Variants in GRM5 observed in about 807,000 individuals in gnomAD.
The protein encoded by GRM5 is metabotropic glutamate receptor 5.
A neutral mutation model predicts 83.1 loss-of-function variants in GRM5; 19 were observed. The ratio of observed to expected loss-of-function variants is 0.23; its 90% CI spans 0.16 to 0.34. GRM5 has a LOEUF of 0.34. Among genes scored for constraint, GRM5 ranks in the 10% least tolerant of loss-of-function variants. The pLI, the probability that GRM5 is intolerant of heterozygous loss-of-function variation, is 1.00. For synonymous variants in GRM5, 675 were observed against 633.6 expected (o/e 1.07, Z -0.98); for missense variants, 1,160 against 1,588.3 (o/e 0.73, Z 4.58).
At chr11:88,583,929 T>C (rs1943261709) in intron 7 of GRM5, among the ~76,000 whole-genome samples, 1 of 152,222 alleles carries the variant, frequency 6.6e-6, no homozygotes, top group African/African-American at 2.4e-5. Flanking sequence ...ATCAAATCTT[T>C]GTTGCTTTTG....
chr11:88,793,212 C>T (rs1943210664), intron 3 of GRM5, among the ~76,000 whole-genome samples: 1 of 152,060 alleles, frequency 6.6e-6, no homozygotes, highest in African/African-American at 2.4e-5. Flanking sequence ...TAATCTAGCC[C>T]AAACTTAAAC....
In GRM5 at chr11:88,960,640, A is replaced by G. The variant is rs1938754069; in HGVS notation, c.661+86572T>C. Among the ~76,000 whole-genome samples the G allele has an allele frequency of 1.3e-5, 2 of 152,180 alleles. 1 individual carries two copies. Among genetic ancestry groups the G allele is most frequent in the South Asian group, 4.1e-4 (2 of 4,824 alleles). On this transcript the variant is annotated intron_variant, in intron 2 of 9. Transcript: ENST00000305447. ...GAAGATGAGTTGGGAAGCTTACAAT[A>G]CCCAGAAATTTTAGGAAACTTGGAA...
chr11:88,707,122 G>A (rs1358541905), intron 3 of GRM5, among the ~76,000 whole-genome samples: 1 of 152,078 alleles, frequency 6.6e-6, no homozygotes, highest in Non-Finnish European at 1.5e-5. Context: ...GTGATTAAGA[G>A]TGTGGTATTG....
At chr11:88,579,301 G>T (rs887595642) in intron 7 of GRM5, among the ~76,000 whole-genome samples, 1 of 152,026 alleles carries the variant, frequency 6.6e-6, no homozygotes, top group African/African-American at 2.4e-5. Context: ...TATCTACTGT[G>T]TTCTAGCAGC....
intron 4 of GRM5, among the ~76,000 whole-genome samples, chr11:88,615,649 T>TAAAAAAAAAAA (rs58256186): frequency 8.4e-6 from 1 of 119,746 alleles, no homozygotes; most frequent in African/African-American, 3.0e-5. Flanking sequence ...ATTAAGAAAC[T>TAAAAAAAAAAA]AAAAAAAAAA....
At chr11:88,865,456 T>C (rs572394604) in intron 2 of GRM5, among the ~76,000 whole-genome samples, 138 of 151,988 alleles carry the variant, frequency 9.1e-4, no homozygotes, top group African/African-American at 2.6e-3. Flanking sequence ...CCATAAAAAC[T>C]CTAGAAGAAA....
At chr11:88,653,130 G>T in intron 4 of GRM5, 38 bp downstream of exon 4, 1 of 1,253,564 alleles carries the variant, frequency 8.0e-7, no homozygotes, top group Non-Finnish European at 1.2e-6. Flanking sequence ...TGGAACCTTA[G>T]CCTTATGCAT....
At chr11:88,592,692 T>G (rs1426505466) in intron 6 of GRM5, among the ~76,000 whole-genome samples, 2 of 152,266 alleles carry the variant, frequency 1.3e-5, no homozygotes, top group Non-Finnish European at 2.9e-5. Flanking sequence ...CCTCTGATAA[T>G]TTAGAAATTG....
In GRM5 at chr11:88,763,718, T is replaced by C. The variant is rs1253620352; in HGVS notation, c.911+86188A>G. Among the ~76,000 whole-genome samples the C allele has an allele frequency of 4.0e-5, 6 of 151,742 alleles. No homozygotes were observed. In the Admixed American group the frequency reaches 4.0e-4, roughly 10 times the overall value. On this transcript the variant is annotated intron_variant, in intron 3 of 9. Coordinates refer to ENST00000305447, the MANE Select transcript of GRM5 (RefSeq NM_001143831.3). The stretch of plus-strand genomic sequence containing the variant: ...TGTTAAAAGTATAAGGTGTTAGATG[T>C]AATCCCCATGGTAACCACAAATAAG...
intron 2 of GRM5, among the ~76,000 whole-genome samples, chr11:88,958,763 A>C (rs1300764006): frequency 2.6e-5 from 4 of 152,210 alleles, no homozygotes; most frequent in Admixed American, 2.6e-4. Context: ...TATTTACTAT[A>C]TTAAAAACTA....
intron 2 of GRM5, among the ~76,000 whole-genome samples, chr11:88,955,299 A>G (rs779239401): frequency 2.0e-5 from 3 of 152,234 alleles, no homozygotes; most frequent in Non-Finnish European, 2.9e-5. Flanking sequence ...TTAGAGTCAT[A>G]CATTAATCAC....
chr11:88,950,298 A>C (rs1467413417), intron 2 of GRM5, among the ~76,000 whole-genome samples: 1 of 152,116 alleles, frequency 6.6e-6, no homozygotes, highest in Non-Finnish European at 1.5e-5. Context: ...GAAAAAAAAT[A>C]GGTAAATGAA....
intron 2 of GRM5, among the ~76,000 whole-genome samples, chr11:88,852,756 G>T (rs1471543559): frequency 6.6e-6 from 1 of 152,102 alleles, no homozygotes; most frequent in East Asian, 1.9e-4. Context: ...ATATAATTTT[G>T]ATTTAACAAA....
chr11:88,828,881 T>A (rs1236155271), intron 3 of GRM5, among the ~76,000 whole-genome samples: 1 of 152,052 alleles, frequency 6.6e-6, no homozygotes, highest in Non-Finnish European at 1.5e-5. Context: ...GTGGTAATAA[T>A]TCAAGAAAAC....
At chr11:88,923,153 A>G (rs1027497295) in intron 2 of GRM5, among the ~76,000 whole-genome samples, 1 of 152,152 alleles carries the variant, frequency 6.6e-6, no homozygotes, top group African/African-American at 2.4e-5. Context: ...GAGGGTCCTC[A>G]GAAAACTACA....
intron 3 of GRM5, among the ~76,000 whole-genome samples, chr11:88,840,763 A>C (rs1403108609): frequency 6.6e-6 from 1 of 152,140 alleles, no homozygotes; most frequent in Non-Finnish European, 1.5e-5. Flanking sequence ...ATGACCCCTA[A>C]TCTAGAGGCT....
intron 2 of GRM5, among the ~76,000 whole-genome samples, chr11:88,915,836 G>T (rs1042317097): frequency 6.6e-6 from 1 of 152,114 alleles, no homozygotes; most frequent in Non-Finnish European, 1.5e-5. Context: ...TTGTTGTGCA[G>T]ACATTATGTT....
chr11:88,763,817 T>C (rs1942576330), intron 3 of GRM5, among the ~76,000 whole-genome samples: 1 of 151,736 alleles, frequency 6.6e-6, no homozygotes, highest in South Asian at 2.1e-4. Context: ...AAGTTATTAA[T>C]GCAGAAAATG....
At chr11:88,530,925 G>C (rs899861296) in intron 8 of GRM5, among the ~76,000 whole-genome samples, 3 of 151,998 alleles carry the variant, frequency 2.0e-5, no homozygotes, top group Non-Finnish European at 4.4e-5. Flanking sequence ...TTAGAACTGG[G>C]GGGAAGAAAG....
Sources: allele counts gnomAD v4.1 joint callset (sites outside exome capture counted in the v4.1 genomes callset), GRCh38; gene constraint gnomAD v4.1.1; transcripts MANE v1.5; gene names NCBI Gene and HGNC (gene_info 2026-07-23, HGNC 2026-07-21).